The following ANGPTL7 variants were observed in gnomAD, a reference collection of about 807,000 sequenced individuals.
The protein encoded by ANGPTL7 is angiopoietin like 7, also known as angiopoietin-related protein 7.
In ANGPTL7, 37 loss-of-function variants were observed where a neutral mutation model predicts 38.8. The observed-to-expected ratio is 0.95, with a 90% CI of 0.73 to 1.25. ANGPTL7 has a LOEUF of 1.25. ANGPTL7 is among the 50% of genes most tolerant of loss of function. ANGPTL7 has a pLI of 0.00. For synonymous variants in ANGPTL7, 166 were observed against 163.2 expected (o/e 1.02, Z -0.13); for missense variants, 427 against 438.6 (o/e 0.97, Z 0.24).
Position 11,193,686 on chromosome 1 carries a change from T to C in ANGPTL7, c.584T>C (p.Phe195Ser). The C allele has an allele frequency of 6.2e-7, 1 of 1,614,130 alleles. No homozygotes were observed. The highest frequency in any genetic ancestry group is 8.5e-7 in the Non-Finnish European group (1 of 1,180,018). Residue 195 changes from phenylalanine (F) to serine (S), a missense_variant, in exon 3 of 5, where the codon TTT becomes TCT. By Grantham distance (155) the Phe-to-Ser change is radical. Transcript: ENST00000376819. ...YRDWKQYKQG[F>S]GSIRGDFWLG... is the part of the protein sequence containing the mutation. Reference sequence around the variant, plus strand: ...GACTGGAAGCAGTACAAGCAGGGCTTTGGCAGCATCCGTGGGGACTTCTGG... The same window carrying C: ...GACTGGAAGCAGTACAAGCAGGGCTCTGGCAGCATCCGTGGGGACTTCTGG...
rs763625015 is a variant in ANGPTL7 at position 11,194,523 on chromosome 1, C to A, written c.735C>A (p.Asn245Lys). 1.2e-6 allele frequency: 2 copies of A among 1,614,134 alleles called. No homozygotes were observed. Among genetic ancestry groups the A allele is most frequent in the East Asian group, 2.2e-5 (1 of 44,870 alleles). ...ACTTTGTTTTGGGCAATGAACTCAA[C>A]AGCTATCGCCTCTTCCTGGGGAACT... Reference protein sequence around the residue: ...YSHFVLGNELNSYRLFLGNYT... With the variant: ...YSHFVLGNELKSYRLFLGNYT... The change falls in exon 4 of 5, where the codon AAC (asparagine) becomes AAA (lysine). Residue 245 changes from asparagine (N) to lysine (K), a missense_variant. Physicochemically the swap from Asn to Lys is moderately conservative, Grantham distance 94 (BLOSUM62 0). Coordinates refer to ENST00000376819, the MANE Select transcript of ANGPTL7 (RefSeq NM_021146.4).
chr1:11,193,886 T>C (rs1430461478), intron 3 of ANGPTL7, 112 bp downstream of exon 3: 2 of 1,117,038 alleles, frequency 1.8e-6, no homozygotes, highest in African/African-American at 1.6e-5. Context: ...GTATATTCAT[T>C]GTGATGGTTT....
chr1:11,189,500 T>C lies in ANGPTL7; in HGVS notation c.-80T>C, dbSNP rs916279250. The C allele has an allele frequency of 3.4e-6, 5 of 1,482,816 alleles. No individual in the cohort carries two copies. The African/African-American group carries it at 5.6e-5, about 17-fold the overall frequency. The allele number at this position is 1,482,816 out of a possible 1,614,324, so 91.9% of individuals were successfully genotyped here. ...GTGAAAGCGTAAGGTTCAGTCAGCC[T>C]GCTGCAGCTTTGCAGACCTCAGCTG... On this transcript the variant is annotated 5_prime_UTR_variant, in exon 1 of 5. Transcript: ENST00000376819.
At chr1:11,192,392 G>A in intron 2 of ANGPTL7, 22 bp downstream of exon 2, 2 of 1,564,446 alleles carry the variant, frequency 1.3e-6, no homozygotes, top group South Asian at 1.1e-5. Context: ...ACAGTCACTG[G>A]CCATGCCCTA....
chr1:11,192,205 T>C, intron 1 of ANGPTL7, 65 bp from the exon 2 acceptor site: 1 of 1,228,180 alleles, frequency 8.1e-7, no homozygotes, highest in Middle Eastern at 2.2e-4. Flanking sequence ...GCTCAGTCTC[T>C]AAACACTCAA....
At chr1:11,190,254 T>C (rs929434601) in intron 1 of ANGPTL7, among the ~76,000 whole-genome samples, 1 of 152,212 alleles carries the variant, frequency 6.6e-6, no homozygotes, top group Non-Finnish European at 1.5e-5. Context: ...GTCTTCCTGA[T>C]TGGTGTAGCT....
At chr1:11,191,632 A>T (rs144293982) in intron 1 of ANGPTL7, among the ~76,000 whole-genome samples, 2 of 152,346 alleles carry the variant, frequency 1.3e-5, no homozygotes, top group African/African-American at 4.8e-5. Context: ...ATGGCCCTAG[A>T]GTAAAAAAAC....
At position 11,189,651 on chromosome 1, in the gene ANGPTL7, G is replaced by A. The variant is rs777402633; in HGVS notation, c.72G>A (p.Ala24=). Reference sequence around the variant, plus strand: ...TCGTGGCCTTTGTCAGCCACCCAGCGTGGCTGCAGAAGCTCTCTAAGCACA... The same window carrying A: ...TCGTGGCCTTTGTCAGCCACCCAGCATGGCTGCAGAAGCTCTCTAAGCACA... ...IFIVAFVSHP[A]WLQKLSKHKT... The change falls in exon 1 of 5, where the codon GCG becomes GCA. Residue 24 remains alanine (A), a synonymous_variant. Coordinates refer to ENST00000376819, the MANE Select transcript of ANGPTL7 (RefSeq NM_021146.4). 7.4e-6 allele frequency: 12 copies of A among 1,614,098 alleles called. No individual in the cohort carries two copies. Among genetic ancestry groups the A allele is most frequent in the East Asian group, 4.5e-5 (2 of 44,874 alleles).
chr1:11,194,976 C>T lies in ANGPTL7; in HGVS notation c.994C>T (p.Leu332Phe). The T allele has an allele frequency of 6.2e-7, 1 of 1,614,078 alleles. No individual in the cohort carries two copies. The highest frequency in any genetic ancestry group is 1.1e-5 in the South Asian group (1 of 91,072). ...TGGCTGGCATGGATCTACCTACTCC[C>T]TCAAACGGGTGGAGATGAAAATCCG... ...WYGWHGSTYS[L>F]KRVEMKIRPE... Residue 332 changes from leucine to phenylalanine, a missense_variant, in exon 5 of 5, where the codon CTC becomes TTC. Coordinates refer to ENST00000376819, the MANE Select transcript of ANGPTL7 (RefSeq NM_021146.4).
intron 1 of ANGPTL7, among the ~76,000 whole-genome samples, chr1:11,191,733 TG>T (rs1002125206): frequency 1.3e-5 from 2 of 152,160 alleles, no homozygotes; most frequent in African/African-American, 4.8e-5. Flanking sequence ...AGGTGCTAGC[TG>T]GATGGAAGGG....
rs1245864053 is a variant in ANGPTL7 at position 11,195,234 on chromosome 1, T to C, written c.*211T>C. 1 of 548,368 alleles carries C rather than the reference T, an allele frequency of 1.8e-6. No individual in the cohort carries two copies. The highest frequency in any genetic ancestry group is 3.1e-5 in the East Asian group (1 of 32,506). The allele number at this position is 548,368 out of a possible 1,614,324, so 34.0% of individuals were successfully genotyped here. A position where few individuals can be genotyped will look rare whatever the true frequency, so the allele number is the denominator to read the frequency against. On this transcript the variant is annotated 3_prime_UTR_variant, in exon 5 of 5. Transcript: ENST00000376819. ...GGATGAACTATTTAAACCCACTGGG[T>C]CCTGCCACATCCTTCTCAAGGTGGT... is the stretch of plus-strand genomic sequence containing the variant.
At position 11,190,771 on chromosome 1, in the gene ANGPTL7, A is replaced by G. The variant is rs563292024; in HGVS notation, c.376+816A>G. 8.3e-4 allele frequency among the ~76,000 whole-genome samples: 126 copies of G among 152,348 alleles called. 3 individuals carry two copies. In the South Asian group the frequency reaches 0.011, roughly 13 times the overall value. On this transcript the variant is annotated intron_variant, in intron 1 of 4. Transcript: ENST00000376819. The stretch of plus-strand genomic sequence containing the variant: ...AAATTATCAGGAAAATATTAGTTGT[A>G]AGGAGCATATCCTATAGACATGTCA...
In ANGPTL7 at chr1:11,194,921, C is replaced by A. The variant is rs1454314735; in HGVS notation, c.939C>A (p.His313Gln). The A allele has an allele frequency of 1.2e-6, 2 of 1,614,064 alleles. No homozygotes were observed. Among genetic ancestry groups the A allele is most frequent in the East Asian group, 2.2e-5 (1 of 44,890 alleles). Residue 313 changes from histidine (H) to glutamine (Q), a missense_variant, in exon 5 of 5, where the codon CAC becomes CAA. By Grantham distance (24) the His-to-Gln change is conservative (BLOSUM62 0). Transcript: ENST00000376819. ...LNGVYYRLGE[H>Q]NKHLDGITWY... Reference sequence around the variant, plus strand: ...GAGTGTACTACCGCCTGGGTGAGCACAATAAGCACCTGGATGGCATCACCT... The same window carrying A: ...GAGTGTACTACCGCCTGGGTGAGCAAAATAAGCACCTGGATGGCATCACCT...
At chr1:11,194,716 T>G in intron 4 of ANGPTL7, 57 bp downstream of exon 4, 1 of 1,610,632 alleles carries the variant, frequency 6.2e-7, no homozygotes, top group Non-Finnish European at 8.5e-7. Context: ...TAATCCCACT[T>G]GAGGAGAAAG....
At chr1:11,194,185 A>G (rs12142212) in intron 3 of ANGPTL7, among the ~76,000 whole-genome samples, 9,296 of 152,278 alleles carry the variant, frequency 0.061, 416 homozygotes, top group South Asian at 0.12. Flanking sequence ...TGTGGGATTC[A>G]GCAAAAACAT....
At chr1:11,194,106 G>A (rs1030628288) in intron 3 of ANGPTL7, among the ~76,000 whole-genome samples, 3 of 152,116 alleles carry the variant, frequency 2.0e-5, no homozygotes, top group African/African-American at 7.2e-5. Context: ...TACTGATACT[G>A]TTTGGGGACC....
At chr1:11,192,216 C>G (rs1645565745) in intron 1 of ANGPTL7, 54 bp from the exon 2 acceptor site, 1 of 1,340,494 alleles carries the variant, frequency 7.5e-7, no homozygotes, top group African/African-American at 1.4e-5. Flanking sequence ...AAACACTCAA[C>G]TCAGATGGAG....
In ANGPTL7 at chr1:11,191,515, T is replaced by C. The variant is rs370691244; in HGVS notation, c.377-755T>C. ...TAGCAGGCAGGAAGCTTCTCTTGGA[T>C]AGTAAGGGCCGCAGTCTCTGAATCC... On this transcript the variant is annotated intron_variant, in intron 1 of 4. Transcript: ENST00000376819. Among the ~76,000 whole-genome samples, 62 of 152,034 alleles carry C rather than the reference T, an allele frequency of 4.1e-4. 1 individual carries two copies. The East Asian group carries it at 7.6e-3, about 19-fold the overall frequency.
At position 11,189,521 on chromosome 1, in the gene ANGPTL7, A is replaced by T. The variant is rs571887016; in HGVS notation, c.-59A>T. On this transcript the variant is annotated 5_prime_UTR_variant, in exon 1 of 5. Coordinates refer to ENST00000376819, the MANE Select transcript of ANGPTL7 (RefSeq NM_021146.4). The stretch of plus-strand genomic sequence containing the variant: ...AGCCTGCTGCAGCTTTGCAGACCTC[A>T]GCTGGGCATCTCCAGACTCCCCTGA... 614 of 1,528,396 alleles carry T rather than the reference A, an allele frequency of 4.0e-4. 2 individuals are homozygous for T. In the African/African-American group the frequency reaches 6.9e-3, roughly 17 times the overall value. 94.7% of individuals were successfully genotyped at this position (1,528,396 alleles called of 1,614,324 possible).
Sources: gnomAD v4.1 joint callset for allele counts (sites outside exome capture counted in the v4.1 genomes callset) on GRCh38, gnomAD v4.1.1 for gene constraint, MANE v1.5 for transcripts, NCBI Gene and HGNC (gene_info 2026-07-23, HGNC 2026-07-21) for gene names.